PDZD8: variants seen among roughly 807,000 people sequenced by gnomAD.
The protein encoded by PDZD8 is PDZ domain containing 8.
A neutral mutation model predicts 85.8 loss-of-function variants in PDZD8; 14 were observed. That is an observed-to-expected ratio of 0.16 (90% CI 0.11 to 0.26). The LOEUF (loss-of-function observed/expected upper bound fraction) is 0.26. Among genes scored for constraint, PDZD8 ranks in the 10% least tolerant of loss-of-function variants. PDZD8 has a pLI of 1.00. For synonymous variants in PDZD8, 592 were observed against 568.6 expected (o/e 1.04, Z -0.59); for missense variants, 1,197 against 1,424.3 (o/e 0.84, Z 2.57).
In PDZD8 at chr10:117,292,096, C is replaced by T. The variant is rs187663297; in HGVS notation, c.1099-1748G>A. Reference sequence around the variant, plus strand: ...CTTGGACAGAAATTCAATTTTCCTACCTAATGATATTCGCTGGTAAAAGAA... The same window carrying T: ...CTTGGACAGAAATTCAATTTTCCTATCTAATGATATTCGCTGGTAAAAGAA... On this transcript the variant is annotated intron_variant, in intron 3 of 4. Transcript: ENST00000334464. Among the ~76,000 whole-genome samples the T allele has an allele frequency of 3.2e-4, 48 of 152,282 alleles. 1 individual carries two copies. The highest frequency in any genetic ancestry group is 1.2e-3 in the African/African-American group (48 of 41,554).
chr10:117,313,651 G>A (rs1387510278), intron 3 of PDZD8, among the ~76,000 whole-genome samples: 1 of 152,108 alleles, frequency 6.6e-6, no homozygotes, highest in Non-Finnish European at 1.5e-5. Flanking sequence ...CTTTCTGAAA[G>A]TTGAAAATGC....
intron 1 of PDZD8, among the ~76,000 whole-genome samples, chr10:117,353,770 C>T (rs1367245986): frequency 5.3e-5 from 5 of 94,296 alleles, no homozygotes; most frequent in African/African-American, 1.7e-4. Flanking sequence ...GGTGAGGGGG[C>T]GGGGAGTGGC....
chr10:117,358,052 T>C (rs1844931601), intron 1 of PDZD8, among the ~76,000 whole-genome samples: 1 of 152,048 alleles, frequency 6.6e-6, no homozygotes, highest in African/African-American at 2.4e-5. Flanking sequence ...GAGTGACAGA[T>C]CATGACTGTT....
chr10:117,375,222 C>T lies in PDZD8; in HGVS notation c.6G>A (p.Gly2=), dbSNP rs1231760518. The change falls in exon 1 of 5, where the codon GGG becomes GGA. Residue 2 remains glycine, a synonymous_variant. Transcript: ENST00000334464. M[G]LLLMILASAV... ...CCGACGCCAGGATCATGAGCAGCAG[C>T]CCCATCCCGCCACCGCCTCCGCCCG... 2.7e-6 allele frequency: 4 copies of T among 1,490,970 alleles called. No individual in the cohort carries two copies. The East Asian group carries it at 7.4e-5, about 28-fold the overall frequency. The allele number at this position is 1,490,970 out of a possible 1,614,324, so 92.4% of individuals were successfully genotyped here.
At chr10:117,361,189 A>G (rs1264809198) in intron 1 of PDZD8, among the ~76,000 whole-genome samples, 2 of 152,088 alleles carry the variant, frequency 1.3e-5, no homozygotes, top group Non-Finnish European at 2.9e-5. Flanking sequence ...AAAGGTCTGG[A>G]ACATCCAAAT....
chr10:117,312,829 C>T (rs914809344), intron 3 of PDZD8, among the ~76,000 whole-genome samples: 7 of 152,190 alleles, frequency 4.6e-5, no homozygotes, highest in South Asian at 2.1e-4. Context: ...TATTTGTCCT[C>T]GCCCTATCCA....
intron 2 of PDZD8, among the ~76,000 whole-genome samples, chr10:117,326,466 C>T (rs1011674931): frequency 6.6e-6 from 1 of 152,218 alleles, no homozygotes; most frequent in Non-Finnish European, 1.5e-5. Context: ...ATGAGACTCT[C>T]ACCTCTCTTA....
rs143061146 is a variant in PDZD8 at position 117,313,566 on chromosome 10, C to T, written c.1098+5306G>A. 4.5e-3 allele frequency among the ~76,000 whole-genome samples: 678 copies of T among 152,174 alleles called. 3 individuals carry two copies. Among genetic ancestry groups the T allele is most frequent in the Non-Finnish European group, 7.0e-3 (474 of 67,992 alleles). On this transcript the variant is annotated intron_variant, in intron 3 of 4. Transcript: ENST00000334464. Reference sequence around the variant, plus strand: ...TTACCCTGTTTCCCACATCTCTAAGCCAGATCTAATTGTGACAAAATATTC... The same window carrying T: ...TTACCCTGTTTCCCACATCTCTAAGTCAGATCTAATTGTGACAAAATATTC...
Position 117,374,932 on chromosome 10 carries a change from T to A in PDZD8, c.296A>T (p.Asn99Ile). 3 of 1,612,718 alleles carry A rather than the reference T, an allele frequency of 1.9e-6. No homozygotes were observed. The highest frequency in any genetic ancestry group is 2.5e-6 in the Non-Finnish European group (3 of 1,179,714). The stretch of plus-strand genomic sequence containing the variant: ...CCGGAACAGGAATAGGATGGTGGCG[T>A]TGAGGAAGTAGCAAGTCTCCCGCGT... ...PPTRETCYFL[N>I]ATILFLFREL... Residue 99 changes from asparagine to isoleucine, a missense_variant, in exon 1 of 5, where the codon AAC becomes ATC. Asn to Ile is a moderately radical substitution (Grantham distance 149). Coordinates refer to ENST00000334464, the MANE Select transcript of PDZD8 (RefSeq NM_173791.5). This position sits in a 1 kb window ranked among gnomAD's most constrained non-coding sequence, Gnocchi z 7.8.
At chr10:117,324,726 G>A (rs1055738501) in intron 2 of PDZD8, among the ~76,000 whole-genome samples, 4 of 152,130 alleles carry the variant, frequency 2.6e-5, no homozygotes, top group Non-Finnish European at 5.9e-5. Context: ...TAAATTACAC[G>A]GAACTGAATA....
intron 3 of PDZD8, among the ~76,000 whole-genome samples, chr10:117,310,629 A>G (rs1844019979): frequency 6.6e-6 from 1 of 152,214 alleles, no homozygotes; most frequent in African/African-American, 2.4e-5. Context: ...AAAGGCATTT[A>G]AAGAAGCCAA....
At chr10:117,318,807 G>T in intron 3 of PDZD8, 65 bp downstream of exon 3, 1 of 1,161,910 alleles carries the variant, frequency 8.6e-7, no homozygotes, top group Non-Finnish European at 1.3e-6. Context: ...TACAGAAATA[G>T]TAATAAATGC....
chr10:117,305,558 G>T (rs1467840675), intron 3 of PDZD8, among the ~76,000 whole-genome samples: 1 of 151,134 alleles, frequency 6.6e-6, no homozygotes, highest in African/African-American at 2.4e-5. Context: ...GGGTGCATTT[G>T]AATAGTACAA....
intron 1 of PDZD8, among the ~76,000 whole-genome samples, chr10:117,352,583 T>A (rs553463870): frequency 2.6e-5 from 4 of 152,328 alleles, no homozygotes; most frequent in African/African-American, 9.6e-5. Flanking sequence ...AAGCCTTTTA[T>A]CTCCTTAAAC....
chr10:117,360,745 T>C (rs145149487), intron 1 of PDZD8, among the ~76,000 whole-genome samples: 1 of 151,570 alleles, frequency 6.6e-6, no homozygotes, highest in African/African-American at 2.4e-5. Flanking sequence ...CAAGCAATAC[T>C]AGATAGCAAC....
intron 2 of PDZD8, among the ~76,000 whole-genome samples, chr10:117,324,063 A>G (rs1441095194): frequency 6.6e-6 from 1 of 152,012 alleles, no homozygotes; most frequent in African/African-American, 2.4e-5. Context: ...CCCTGTCTCT[A>G]CTAAAAATAC....
intron 1 of PDZD8, among the ~76,000 whole-genome samples, chr10:117,359,180 C>T (rs1844951855): frequency 6.6e-6 from 1 of 151,996 alleles, no homozygotes; most frequent in African/African-American, 2.4e-5. Context: ...CTTGGGAGGC[C>T]GAGGTAAGTG....
intron 3 of PDZD8, among the ~76,000 whole-genome samples, chr10:117,316,776 C>G (rs1278983456): frequency 6.6e-6 from 1 of 152,184 alleles, no homozygotes; most frequent in Non-Finnish European, 1.5e-5. Context: ...CTCCGTTTCT[C>G]CCTTGCCTTC....
chr10:117,341,520 AG>A (rs1844612720), intron 1 of PDZD8, among the ~76,000 whole-genome samples: 1 of 152,220 alleles, frequency 6.6e-6, no homozygotes. Flanking sequence ...GTACTTCCCA[AG>A]GATACCAAAA....
Sources: allele counts gnomAD v4.1 joint callset (sites outside exome capture counted in the v4.1 genomes callset), GRCh38; gene constraint gnomAD v4.1.1; non-coding constraint Gnocchi (gnomAD v3.1); transcripts MANE v1.5; gene names NCBI Gene and HGNC (gene_info 2026-07-23, HGNC 2026-07-21).